The following ITGA9 variants were observed in gnomAD, a reference collection of about 807,000 sequenced individuals.
The protein encoded by ITGA9 is integrin subunit alpha 9, also known as integrin alpha-9.
In ITGA9, 56 loss-of-function variants were observed where a neutral mutation model predicts 127.8. The observed-to-expected ratio is 0.44, with a 90% CI of 0.35 to 0.55. The LOEUF (loss-of-function observed/expected upper bound fraction) is 0.55, where lower values mean the gene tolerates loss of function less well. ITGA9 is among the 20% of genes least tolerant of loss of function. The probability of loss-of-function intolerance (pLI) is 0.00; values close to 1 mark genes in which losing one functional copy is unlikely to be tolerated. For synonymous variants in ITGA9, 508 were observed against 514.5 expected, an observed-to-expected ratio of 0.99 and a Z score of 0.17; for missense variants, 1,196 against 1,347.1, an observed-to-expected ratio of 0.89 and a Z score of 1.76.
At chr3:37,575,054 G>T (rs574579690) in intron 15 of ITGA9, among the ~76,000 whole-genome samples, 1 of 152,298 alleles carries the variant, frequency 6.6e-6, no homozygotes, top group South Asian at 2.1e-4. Context: ...ATACACAGTT[G>T]CATTTCAGTG....
rs1697531068 is a variant in ITGA9, at chr3:37,822,924, G to C, written c.*3935G>C. The C allele has an allele frequency of 6.6e-6, 1 of 152,170 alleles. No homozygotes were observed. The highest frequency in any genetic ancestry group is 2.4e-5 in the African/African-American group (1 of 41,430). The allele number at this position is 152,170 out of a possible 1,614,324, so 9.4% of individuals were successfully genotyped here. On this transcript the variant is annotated 3_prime_UTR_variant, in exon 28 of 28. Coordinates refer to ENST00000264741, the MANE Select transcript of ITGA9 (RefSeq NM_002207.3). ...AGGTGCTGGAAAGGATTGTCACTTGGAGCCTTTAGTAGACAAAAGGCAGAA... is the reference window on the plus strand; with the variant it reads ...AGGTGCTGGAAAGGATTGTCACTTGCAGCCTTTAGTAGACAAAAGGCAGAA...
chr3:37,747,927 A>G (rs2125536426), intron 22 of ITGA9, among the ~76,000 whole-genome samples: 1 of 152,022 alleles, frequency 6.6e-6, no homozygotes, highest in African/African-American at 2.4e-5. Flanking sequence ...CGGGTTTTAG[A>G]TACGGGGTTT....
At position 37,463,055 on chromosome 3, in the gene ITGA9, G is replaced by C. The variant is rs190554676; in HGVS notation, c.186-7952G>C. 5.1e-4 allele frequency among the ~76,000 whole-genome samples: 78 copies of C among 152,086 alleles called. 1 individual carries two copies. The highest frequency in any genetic ancestry group is 1.8e-3 in the African/African-American group (73 of 41,364). On this transcript the variant is annotated intron_variant, in intron 1 of 27. Transcript: ENST00000264741. ...GCCTTCAGTAAAAGTCTGTGGTCCT[G>C]GTTGGTGATGAGATTCCTTTGAGGG...
intron 21 of ITGA9, 128 bp downstream of exon 21, chr3:37,741,947 T>G: frequency 1.3e-6 from 1 of 749,220 alleles, no homozygotes; most frequent in African/African-American, 1.7e-5. Context: ...CTCCCAGCCT[T>G]GAAAAGCAGG....
At chr3:37,619,727 G>T (rs550673218) in intron 15 of ITGA9, among the ~76,000 whole-genome samples, 2 of 152,356 alleles carry the variant, frequency 1.3e-5, no homozygotes, top group East Asian at 3.9e-4. Context: ...CAAGGTGCCA[G>T]CCAGATCTTT....
chr3:37,460,587 C>CT (rs10711884), intron 1 of ITGA9, among the ~76,000 whole-genome samples: 3,625 of 110,818 alleles, frequency 0.033, 96 homozygotes, highest in Non-Finnish European at 0.05. Context: ...GTGCCCAAAT[C>CT]TTTTTTTTTT....
At chr3:37,585,753 C>T (rs1281702576) in intron 15 of ITGA9, 1 of 418,184 alleles carries the variant, frequency 2.4e-6, no homozygotes, top group Non-Finnish European at 4.9e-6. Context: ...ATGCCTGACT[C>T]CATAGAGCAG....
chr3:37,575,562 A>T (rs1182647667), intron 15 of ITGA9, among the ~76,000 whole-genome samples: 1 of 152,130 alleles, frequency 6.6e-6, no homozygotes, highest in African/African-American at 2.4e-5. Context: ...ACCCATGAAG[A>T]AACTGAGGCC....
rs10581492 is a variant in ITGA9, at chr3:37,623,691, C to CTGTGTGTGTG, written c.1690-5480_1690-5471dup. Among the ~76,000 whole-genome samples, 8 of 149,342 alleles carry CTGTGTGTGTG rather than the reference C, an allele frequency of 5.4e-5. 1 individual carries two copies. The highest frequency in any genetic ancestry group is 2.0e-4 in the African/African-American group (8 of 40,552). ...TGTGTGTATGTGTGTGTGTGTGTGTCTGTGTGTGTGTGTGTGTGTGTGTGT... is the reference window on the plus strand; with the variant it reads ...TGTGTGTATGTGTGTGTGTGTGTGTCTGTGTGTGTGTGTGTGTGTGTGTGTGTGTGTGTGT... On this transcript the variant is annotated intron_variant, in intron 15 of 27. Transcript: ENST00000264741.
intron 27 of ITGA9, chr3:37,805,735 T>C (rs1039402561): frequency 6.6e-6 from 1 of 152,124 alleles, no homozygotes; most frequent in Non-Finnish European, 1.5e-5. Flanking sequence ...TGATCTCAGC[T>C]CACTGCAACC....
intron 15 of ITGA9, among the ~76,000 whole-genome samples, chr3:37,596,792 G>A (rs1699874945): frequency 1.3e-5 from 2 of 152,138 alleles, no homozygotes; most frequent in Non-Finnish European, 2.9e-5. Flanking sequence ...AAGCTCCAGG[G>A]AACCTTCAGT....
intron 15 of ITGA9, among the ~76,000 whole-genome samples, chr3:37,616,835 C>T (rs1047056208): frequency 5.3e-5 from 8 of 152,278 alleles, no homozygotes; most frequent in African/African-American, 1.7e-4. Context: ...TCCTCCATCC[C>T]TTTATTTTGA....
rs113453959 is a variant in ITGA9 at position 37,786,623 on chromosome 3, A to C, written c.2889+1545A>C. ...AACAAAAAACAAACAAACAAAAAAA[A>C]AAAAACCAATAGTAATAATGCTTAG... On this transcript the variant is annotated intron_variant, in intron 26 of 27. Transcript: ENST00000264741. 8.6e-3 allele frequency among the ~76,000 whole-genome samples: 1,312 copies of C among 152,216 alleles called. 20 individuals are homozygous for C. The highest frequency in any genetic ancestry group is 0.029 in the African/African-American group (1,202 of 41,528).
intron 15 of ITGA9, among the ~76,000 whole-genome samples, chr3:37,543,023 G>A (rs187574006): frequency 3.3e-5 from 5 of 152,192 alleles, no homozygotes; most frequent in Admixed American, 2.6e-4. Flanking sequence ...TTTAAAACTG[G>A]TTGGACTAGA....
intron 16 of ITGA9, among the ~76,000 whole-genome samples, chr3:37,652,104 A>G (rs1269839006): frequency 6.6e-6 from 1 of 151,114 alleles, no homozygotes; most frequent in Non-Finnish European, 1.5e-5. Flanking sequence ...AGGCTTATAT[A>G]GTAGAGGGTG....
intron 23 of ITGA9, among the ~76,000 whole-genome samples, chr3:37,771,503 T>C (rs1463929772): frequency 1.3e-5 from 2 of 152,154 alleles, no homozygotes; most frequent in Non-Finnish European, 2.9e-5. Flanking sequence ...AGACCCAAAC[T>C]GGCACGGCTG....
intron 19 of ITGA9, among the ~76,000 whole-genome samples, chr3:37,734,432 A>G (rs762270866): frequency 5.9e-5 from 9 of 152,212 alleles, no homozygotes; most frequent in Admixed American, 1.3e-4. Context: ...ACTCCAGCCT[A>G]TATCACATAT....
intron 5 of ITGA9, among the ~76,000 whole-genome samples, chr3:37,496,580 G>T (rs1167143933): frequency 6.6e-6 from 1 of 152,140 alleles, no homozygotes; most frequent in Non-Finnish European, 1.5e-5. Context: ...CTTGCCTCTG[G>T]ACAGACTGGT....
At chr3:37,682,423 A>T (rs186024594) in intron 17 of ITGA9, among the ~76,000 whole-genome samples, 1 of 152,226 alleles carries the variant, frequency 6.6e-6, no homozygotes. Flanking sequence ...CTCTGTGACC[A>T]TGTGGATGAC....
Sources: allele counts gnomAD v4.1 joint callset (sites outside exome capture counted in the v4.1 genomes callset), GRCh38; gene constraint gnomAD v4.1.1; transcripts MANE v1.5; gene names NCBI Gene and HGNC (gene_info 2026-07-23, HGNC 2026-07-21).